Variants in PTK7 observed in about 807,000 individuals in gnomAD.
PTK7 encodes protein tyrosine kinase 7 (inactive).
PTK7 carries 39 observed loss-of-function variants against 116.6 expected under a neutral mutation model. The observed-to-expected ratio is 0.33, with a 90% CI of 0.26 to 0.44. PTK7 has a LOEUF of 0.44. Among genes scored for constraint, PTK7 ranks in the 20% least tolerant of loss-of-function variants. The probability of loss-of-function intolerance (pLI) is 1.00; values close to 1 mark genes in which losing one functional copy is unlikely to be tolerated. For missense variants in PTK7, 1,169 were observed against 1,425.6 expected (o/e 0.82, Z 2.90); for synonymous variants, 546 against 563.6 (o/e 0.97, Z 0.44).
intron 13 of PTK7, 161 bp downstream of exon 13, chr6:43,142,460 T>A: frequency 8.8e-7 from 1 of 1,133,610 alleles, no homozygotes; most frequent in Non-Finnish European, 1.3e-6. Flanking sequence ...CTTAGAGTCC[T>A]TGCTCAGAGC....
chr6:43,094,518 GCAGTGGCAC>G, intron 1 of PTK7, among the ~76,000 whole-genome samples: 1 of 150,882 alleles, frequency 6.6e-6, no homozygotes, highest in African/African-American at 2.4e-5. Flanking sequence ...AGGCTGGAGT[GCAGTGGCAC>G]GATCTCGGCT....
At chr6:43,117,795 G>T (rs898619450) in intron 1 of PTK7, among the ~76,000 whole-genome samples, 2 of 151,966 alleles carry the variant, frequency 1.3e-5, no homozygotes, top group African/African-American at 4.8e-5. Flanking sequence ...AATTAGCCAG[G>T]CATGGTGACG....
intron 1 of PTK7, among the ~76,000 whole-genome samples, chr6:43,102,611 C>CAA (rs1024406483): frequency 6.9e-6 from 1 of 144,690 alleles, no homozygotes; most frequent in African/African-American, 2.6e-5. Flanking sequence ...AAAAAAAAAC[C>CAA]AAAAAAAAAC....
intron 1 of PTK7, among the ~76,000 whole-genome samples, chr6:43,087,184 CTGTACCCACCCCACAT>C (rs377013323): frequency 1.5e-3 from 235 of 152,340 alleles, no homozygotes; most frequent in African/African-American, 5.3e-3. Flanking sequence ...AGCCCCATTA[CTGTACCCACCCCACAT>C]TGTATATCTG....
At chr6:43,153,028 C>T (rs899790388) in intron 17 of PTK7, among the ~76,000 whole-genome samples, 36 of 152,110 alleles carry the variant, frequency 2.4e-4, no homozygotes, top group East Asian at 7.7e-4. Context: ...TCAAGTGATC[C>T]GCCTGCCTCG....
At chr6:43,128,410 G>T (rs1561963493) in intron 1 of PTK7, among the ~76,000 whole-genome samples, 1 of 152,196 alleles carries the variant, frequency 6.6e-6, no homozygotes, top group South Asian at 2.1e-4. Flanking sequence ...ACTGTGTTCT[G>T]TGTGCCCCTC....
At chr6:43,130,772 C>T in intron 5 of PTK7, 111 bp downstream of exon 5, 4 of 1,404,054 alleles carry the variant, frequency 2.8e-6, no homozygotes, top group Non-Finnish European at 2.9e-6. Flanking sequence ...TGTATTATTT[C>T]AAATTTCCAA....
chr6:43,096,723 G>A (rs1053475496), intron 1 of PTK7, among the ~76,000 whole-genome samples: 16 of 152,220 alleles, frequency 1.1e-4, no homozygotes, highest in African/African-American at 1.9e-4. Context: ...GGGCACCTGC[G>A]GCTGTGCTGG....
At chr6:43,116,007 G>GGA (rs1228948923) in intron 1 of PTK7, among the ~76,000 whole-genome samples, 31 of 150,736 alleles carry the variant, frequency 2.1e-4, no homozygotes, top group African/African-American at 7.3e-4. Flanking sequence ...CCTGGGTCCA[G>GGA]GAGTGTACCC....
intron 14 of PTK7, among the ~76,000 whole-genome samples, chr6:43,144,108 C>T (rs1770586432): frequency 1.3e-5 from 2 of 152,152 alleles, no homozygotes; most frequent in Admixed American, 1.3e-4. Flanking sequence ...TCCCTTTGTG[C>T]CTGTTTAGGG....
At chr6:43,103,955 C>G (rs1767723603) in intron 1 of PTK7, among the ~76,000 whole-genome samples, 1 of 152,226 alleles carries the variant, frequency 6.6e-6, no homozygotes. Context: ...TCACTCCCAT[C>G]TGTTTTCTCA....
At chr6:43,108,750 C>G (rs1302927427) in intron 1 of PTK7, among the ~76,000 whole-genome samples, 1 of 152,154 alleles carries the variant, frequency 6.6e-6, no homozygotes. Flanking sequence ...TCATCAAGTT[C>G]AGATTTGATT....
intron 1 of PTK7, among the ~76,000 whole-genome samples, chr6:43,095,209 A>AG (rs1445903634): frequency 6.7e-6 from 1 of 149,848 alleles, no homozygotes; most frequent in African/African-American, 2.4e-5. Context: ...AAAAAAAAAA[A>AG]AAAAAAAAAA....
intron 1 of PTK7, among the ~76,000 whole-genome samples, chr6:43,081,127 C>T (rs1488643695): frequency 6.6e-6 from 1 of 152,158 alleles, no homozygotes; most frequent in African/African-American, 2.4e-5. Flanking sequence ...TGGTTTTCTC[C>T]CACCTTTCTT....
Position 43,076,599 on chromosome 6 carries a change from T to A in PTK7, c.79+32T>A, listed in dbSNP as rs562887839. Reference sequence around the variant, plus strand: ...ACCCGAGAGTTGGGGGCACAGAGCTTGGGAAGCGCGGGAGTCCCGTGGGCA... The same window carrying A: ...ACCCGAGAGTTGGGGGCACAGAGCTAGGGAAGCGCGGGAGTCCCGTGGGCA... On this transcript the variant is annotated intron_variant, in intron 1 of 19. Transcript: ENST00000230419. The surrounding 1 kb of genome is among the most constrained non-coding windows in gnomAD (Gnocchi z 5.7). The A allele has an allele frequency of 3.8e-6, 6 of 1,561,694 alleles. No individual in the cohort carries two copies. The African/African-American group carries it at 7.0e-5, about 18-fold the overall frequency.
At chr6:43,151,113 G>C (rs1771050519) in intron 17 of PTK7, among the ~76,000 whole-genome samples, 2 of 151,850 alleles carry the variant, frequency 1.3e-5, no homozygotes, top group Admixed American at 6.6e-5. Flanking sequence ...GAGCCACTGT[G>C]CCCAGCCAGA....
intron 5 of PTK7, among the ~76,000 whole-genome samples, chr6:43,130,931 G>A (rs1352534346): frequency 6.6e-6 from 1 of 151,984 alleles, no homozygotes; most frequent in Non-Finnish European, 1.5e-5. Flanking sequence ...GGTCTTCTGG[G>A]ATGGAAGGGT....
chr6:43,157,362 ATATTTTTTTTTTTC>A (rs1771543339), intron 17 of PTK7, among the ~76,000 whole-genome samples: 2 of 34,238 alleles, frequency 5.8e-5, no homozygotes, highest in African/African-American at 2.7e-4. Context: ...ATATATATAT[ATATTTTTTTTTTTC>A]TTTTTTTTTT....
intron 1 of PTK7, among the ~76,000 whole-genome samples, chr6:43,127,529 A>G (rs757721091): frequency 1.2e-4 from 19 of 152,298 alleles, no homozygotes; most frequent in Admixed American, 7.2e-4. Context: ...CTGAACTATA[A>G]TGGTGCAGGA....
Sources: gnomAD v4.1 joint callset for allele counts (sites outside exome capture counted in the v4.1 genomes callset) on GRCh38, gnomAD v4.1.1 for gene constraint, Gnocchi (gnomAD v3.1) non-coding constraint, MANE v1.5 for transcripts, NCBI Gene and HGNC (gene_info 2026-07-23, HGNC 2026-07-21) for gene names.